The following SP100 variants were observed in gnomAD, a reference collection of about 807,000 sequenced individuals.
SP100 encodes nuclear autoantigen Sp-100.
In SP100, 84 loss-of-function variants were observed where a neutral mutation model predicts 130.0. The ratio of observed to expected loss-of-function variants is 0.65; its 90% CI spans 0.54 to 0.77. The LOEUF is 0.77. SP100 is among the 30% of genes least tolerant of loss of function. The pLI, the probability that SP100 is intolerant of heterozygous loss-of-function variation, is 0.00. For missense variants in SP100, 978 were observed against 1,052.2 expected, an observed-to-expected ratio of 0.93 and a Z score of 0.97; for synonymous variants, 331 against 351.7, an observed-to-expected ratio of 0.94 and a Z score of 0.66.
At chr2:230,436,965 T>TATATATGTGTATACACACAC (rs1559486729) in intron 2 of SP100, among the ~76,000 whole-genome samples, 16 of 98,122 alleles carry the variant, frequency 1.6e-4, no homozygotes, top group African/African-American at 7.6e-4. Context: ...TACACACACA[T>TATATATGTGTATACACACAC]ATATATGTGT....
chr2:230,441,440 C>A (rs1458802788), intron 2 of SP100, among the ~76,000 whole-genome samples: 2 of 152,124 alleles, frequency 1.3e-5, no homozygotes, highest in African/African-American at 4.8e-5. Context: ...AAGACTTGTA[C>A]AAGAGCAGCA....
chr2:230,483,570 C>A (rs371831758), intron 17 of SP100, among the ~76,000 whole-genome samples: 2 of 152,096 alleles, frequency 1.3e-5, no homozygotes, highest in African/African-American at 4.8e-5. Flanking sequence ...TGAGAACTTC[C>A]TCTGGATTCT....
At chr2:230,511,094 AT>A in intron 23 of SP100, 30 bp from the exon 24 acceptor site, 1 of 1,496,802 alleles carries the variant, frequency 6.7e-7, no homozygotes, top group Admixed American at 1.7e-5. Flanking sequence ...CACACTCAAT[AT>A]TGTACCAATC....
chr2:230,497,316 T>C (rs2066723634), intron 18 of SP100, among the ~76,000 whole-genome samples: 1 of 151,846 alleles, frequency 6.6e-6, no homozygotes, highest in African/African-American at 2.4e-5. Flanking sequence ...AAAAAGAGTC[T>C]TTGTTTGTCT....
At chr2:230,515,487 C>A in intron 24 of SP100, 10 of 1,612,854 alleles carry the variant, frequency 6.2e-6, no homozygotes, top group Non-Finnish European at 8.5e-6. Flanking sequence ...AGGAAAAATA[C>A]AAAAAGGATA....
At chr2:230,541,045 CAGG>C in intron 26 of SP100, 49 bp downstream of exon 26, 1 of 1,576,778 alleles carries the variant, frequency 6.3e-7, no homozygotes, top group Non-Finnish European at 8.6e-7. Context: ...TTCACCTGGG[CAGG>C]AGAAGCACAG....
chr2:230,529,413 T>C (rs1376245305), intron 24 of SP100, among the ~76,000 whole-genome samples: 2 of 152,176 alleles, frequency 1.3e-5, no homozygotes, highest in Non-Finnish European at 2.9e-5. Context: ...AAACTAGGTA[T>C]TGATGGAATG....
chr2:230,507,316 A>G (rs1354415368), intron 22 of SP100: 3 of 152,306 alleles, frequency 2.0e-5, no homozygotes, highest in Non-Finnish European at 4.4e-5. Context: ...GCTGATCAGT[A>G]GTAGGTTTGC....
chr2:230,423,728 A>C (rs1468346439), intron 2 of SP100, among the ~76,000 whole-genome samples: 3 of 152,092 alleles, frequency 2.0e-5, no homozygotes, highest in Non-Finnish European at 4.4e-5. Context: ...TTTATTTCTT[A>C]GCCATTTGTT....
chr2:230,421,066 G>A (rs937834234), intron 2 of SP100, among the ~76,000 whole-genome samples: 1 of 125,752 alleles, frequency 8.0e-6, no homozygotes, highest in African/African-American at 2.7e-5. Context: ...CTATTTACAT[G>A]TTGTTCATAA....
chr2:230,488,562 C>T (rs1298571284), intron 17 of SP100, among the ~76,000 whole-genome samples: 2 of 152,036 alleles, frequency 1.3e-5, no homozygotes, highest in Non-Finnish European at 2.9e-5. Flanking sequence ...TACAGGCACC[C>T]GCCACCATGC....
intron 17 of SP100, among the ~76,000 whole-genome samples, chr2:230,475,187 C>T (rs2065478615): frequency 6.6e-6 from 1 of 152,278 alleles, no homozygotes; most frequent in Admixed American, 6.5e-5. Flanking sequence ...CCTCCACAAC[C>T]TCACCAGCAT....
chr2:230,497,295 T>C (rs1407632801), intron 18 of SP100, among the ~76,000 whole-genome samples: 2 of 151,856 alleles, frequency 1.3e-5, no homozygotes, highest in East Asian at 3.9e-4. Flanking sequence ...ACCAAAGACA[T>C]AGATGAACAG....
chr2:230,433,147 T>G (rs2149880070), intron 2 of SP100, among the ~76,000 whole-genome samples: 1 of 152,316 alleles, frequency 6.6e-6, no homozygotes, highest in East Asian at 1.9e-4. Context: ...CATTTAGAGA[T>G]GCATGATCCA....
chr2:230,503,666 C>A (rs2067161826), intron 20 of SP100, among the ~76,000 whole-genome samples: 1 of 152,172 alleles, frequency 6.6e-6, no homozygotes, highest in African/African-American at 2.4e-5. Context: ...ACCCCCCACA[C>A]CAAGCTTCCC....
intron 24 of SP100, among the ~76,000 whole-genome samples, chr2:230,517,701 G>A (rs965961922): frequency 6.6e-6 from 1 of 150,758 alleles, no homozygotes; most frequent in African/African-American, 2.4e-5. Flanking sequence ...GAAGGCAGAG[G>A]TTACAGTGAG....
At chr2:230,440,968 T>A (rs935532866) in intron 2 of SP100, among the ~76,000 whole-genome samples, 1 of 151,882 alleles carries the variant, frequency 6.6e-6, no homozygotes, top group Non-Finnish European at 1.5e-5. Flanking sequence ...GAAAAAAAAA[T>A]AAATTGGATT....
At chr2:230,488,664 C>T (rs1018201746) in intron 17 of SP100, among the ~76,000 whole-genome samples, 4 of 152,328 alleles carry the variant, frequency 2.6e-5, no homozygotes, top group South Asian at 2.1e-4. Flanking sequence ...CCAACCGCCT[C>T]GGCCTCCCAA....
chr2:230,530,027 G>A (rs543592579), intron 24 of SP100, among the ~76,000 whole-genome samples: 1 of 152,298 alleles, frequency 6.6e-6, no homozygotes, highest in Admixed American at 6.5e-5. Flanking sequence ...TAGATTCAAT[G>A]CTATCCCCAT....
Sources: gnomAD v4.1 joint callset for allele counts (sites outside exome capture counted in the v4.1 genomes callset) on GRCh38, gnomAD v4.1.1 for gene constraint, MANE v1.5 for transcripts, NCBI Gene and HGNC (gene_info 2026-07-23, HGNC 2026-07-21) for gene names.